NEK10: variants seen among roughly 807,000 people sequenced by gnomAD.
The protein encoded by NEK10 is serine/threonine-protein kinase Nek10.
NEK10 carries 122 observed loss-of-function variants against 159.8 expected under a neutral mutation model. The observed-to-expected ratio is 0.76, with a 90% CI of 0.66 to 0.89. The LOEUF (loss-of-function observed/expected upper bound fraction) is 0.89, where lower values mean the gene tolerates loss of function less well. Ranked by LOEUF, NEK10 falls within the 40% of genes least tolerant of loss-of-function variation. NEK10 has a pLI of 0.00. For missense variants in NEK10, 1,342 were observed against 1,323.1 expected (o/e 1.01, Z -0.22); for synonymous variants, 466 against 457.1 (o/e 1.02, Z -0.25).
At chr3:27,206,656 C>G in intron 23 of NEK10, 10 of 984,690 alleles carry the variant, frequency 1.0e-5, no homozygotes, top group Non-Finnish European at 1.2e-5. Flanking sequence ...TTCCATTCTT[C>G]AAGCCCCTCA....
intron 30 of NEK10, among the ~76,000 whole-genome samples, chr3:27,158,822 A>G (rs1404029009): frequency 1.3e-5 from 2 of 152,214 alleles, no homozygotes; most frequent in African/African-American, 2.4e-5. Flanking sequence ...AATAGAATCC[A>G]TAACATTATA....
chr3:27,289,916 A>T (rs1401045550), intron 19 of NEK10, among the ~76,000 whole-genome samples: 2 of 152,250 alleles, frequency 1.3e-5, no homozygotes, highest in Non-Finnish European at 1.5e-5. Context: ...ATCCCAACAC[A>T]GATGCTATGC....
At position 27,205,647 on chromosome 3, in the gene NEK10, A is replaced by C. The variant is rs9876594; in HGVS notation, c.2091-3090T>G. On this transcript the variant is annotated intron_variant, in intron 23 of 35. Coordinates refer to ENST00000691995, the MANE Select transcript of NEK10 (RefSeq NM_001394966.1). ...TAATAAATGGTGCTGGGAAAACTGGATAGCCATATGTAGAAAGCTGAAACT... is the reference window on the plus strand; with the variant it reads ...TAATAAATGGTGCTGGGAAAACTGGCTAGCCATATGTAGAAAGCTGAAACT... Among the ~76,000 whole-genome samples, 1,232 of 137,940 alleles carry C rather than the reference A, an allele frequency of 8.9e-3. 15 individuals are homozygous for C. The highest frequency in any genetic ancestry group is 0.035 in the African/African-American group (1,144 of 33,048). 90.5% of individuals were successfully genotyped at this position (137,940 alleles called of 152,430 possible). A position where few individuals can be genotyped will look rare whatever the true frequency, so the allele number is the denominator to read the frequency against.
chr3:27,232,103 C>T (rs569579616), intron 23 of NEK10, among the ~76,000 whole-genome samples: 1 of 151,722 alleles, frequency 6.6e-6, no homozygotes, highest in African/African-American at 2.4e-5. Context: ...TACTAGCTAA[C>T]CAAATCCAAC....
chr3:27,359,413 C>T (rs1166936716), intron 1 of NEK10, among the ~76,000 whole-genome samples: 1 of 152,088 alleles, frequency 6.6e-6, no homozygotes, highest in African/African-American at 2.4e-5. Context: ...TAATGATTAA[C>T]CTTTCATTTT....
chr3:27,235,823 G>C (rs1953848020), intron 23 of NEK10, among the ~76,000 whole-genome samples: 1 of 151,976 alleles, frequency 6.6e-6, no homozygotes, highest in Admixed American at 6.6e-5. Context: ...CTATTCACTT[G>C]TTCATGCACA....
intron 22 of NEK10, among the ~76,000 whole-genome samples, chr3:27,258,825 A>C (rs1467383271): frequency 6.6e-6 from 1 of 152,184 alleles, no homozygotes; most frequent in African/African-American, 2.4e-5. Flanking sequence ...ACTAGTTTAC[A>C]GTCCCACCAA....
intron 30 of NEK10, chr3:27,162,337 G>A: frequency 6.9e-7 from 1 of 1,457,592 alleles, no homozygotes; most frequent in African/African-American, 1.4e-5. Context: ...AACAAACAAG[G>A]CAGAATTCTC....
At chr3:27,251,173 A>G (rs1449816107) in intron 23 of NEK10, among the ~76,000 whole-genome samples, 2 of 152,184 alleles carry the variant, frequency 1.3e-5, no homozygotes, top group African/African-American at 4.8e-5. Context: ...AAATTCAATC[A>G]TTTAAAACTC....
chr3:27,189,481 A>G (rs1948924861), intron 26 of NEK10, among the ~76,000 whole-genome samples: 1 of 152,158 alleles, frequency 6.6e-6, no homozygotes, highest in Admixed American at 6.5e-5. Flanking sequence ...ACTATAATTT[A>G]TCACTGGATT....
intron 1 of NEK10, among the ~76,000 whole-genome samples, chr3:27,359,088 G>C (rs1219195358): frequency 6.6e-6 from 1 of 151,704 alleles, no homozygotes; most frequent in Non-Finnish European, 1.5e-5. Context: ...TGTAGTCCCA[G>C]TTACTCAGGA....
chr3:27,145,567 G>T (rs1037888082), intron 30 of NEK10, among the ~76,000 whole-genome samples: 12 of 152,134 alleles, frequency 7.9e-5, no homozygotes. Context: ...TGCAGTGTTA[G>T]GTCAGAGGAC....
At chr3:27,351,209 A>G (rs1364933357) in intron 3 of NEK10, among the ~76,000 whole-genome samples, 1 of 152,156 alleles carries the variant, frequency 6.6e-6, no homozygotes, top group Non-Finnish European at 1.5e-5. Context: ...AGAAGGAAAT[A>G]GTAAAAGCAA....
At chr3:27,291,455 T>G in intron 17 of NEK10, 29 bp downstream of exon 17, 1 of 1,601,698 alleles carries the variant, frequency 6.2e-7, no homozygotes, top group South Asian at 1.1e-5. Flanking sequence ...CATAGCAGCC[T>G]GCCAAAATAT....
chr3:27,351,195 T>A (rs1049117236), intron 3 of NEK10, among the ~76,000 whole-genome samples: 1 of 151,986 alleles, frequency 6.6e-6, no homozygotes, highest in African/African-American at 2.4e-5. Context: ...GAAAGAAATT[T>A]AGGAGAAGGA....
intron 22 of NEK10, among the ~76,000 whole-genome samples, chr3:27,270,568 G>T (rs1316387062): frequency 6.6e-6 from 1 of 152,100 alleles, no homozygotes; most frequent in Non-Finnish European, 1.5e-5. Flanking sequence ...AATGGATAAT[G>T]AATACAACTG....
Position 27,282,817 on chromosome 3 carries a change from T to C in NEK10, c.2014+1785A>G, listed in dbSNP as rs561503828. Among the ~76,000 whole-genome samples the C allele has an allele frequency of 8.6e-5, 13 of 150,742 alleles. No individual in the cohort carries two copies. In the East Asian group the frequency reaches 2.5e-3, roughly 29 times the overall value. On this transcript the variant is annotated intron_variant, in intron 22 of 35. Coordinates refer to ENST00000691995, the MANE Select transcript of NEK10 (RefSeq NM_001394966.1). ...TAATAATCCTTATTAACTTATAAAT[T>C]GACATTCCAGCAAATAAATAAATTA...
At chr3:27,313,962 T>C (rs2044930556) in intron 7 of NEK10, among the ~76,000 whole-genome samples, 1 of 152,172 alleles carries the variant, frequency 6.6e-6, no homozygotes, top group Non-Finnish European at 1.5e-5. Context: ...TCCACCCACC[T>C]CAGCTTCCCA....
intron 5 of NEK10, among the ~76,000 whole-genome samples, chr3:27,339,309 G>A (rs2047033986): frequency 6.6e-6 from 1 of 151,912 alleles, no homozygotes; most frequent in Non-Finnish European, 1.5e-5. Flanking sequence ...TCTGACAAAG[G>A]TCTAATATCC....
Sources: gnomAD v4.1 joint callset for allele counts (sites outside exome capture counted in the v4.1 genomes callset) on GRCh38, gnomAD v4.1.1 for gene constraint, MANE v1.5 for transcripts, NCBI Gene and HGNC (gene_info 2026-07-23, HGNC 2026-07-21) for gene names.